The following NREP variants were observed in gnomAD, a reference collection of about 807,000 sequenced individuals.
The protein encoded by NREP is neuronal regeneration related protein.
A neutral mutation model predicts 8.6 loss-of-function variants in NREP; 5 were observed. The observed-to-expected ratio is 0.58, with a 90% CI of 0.30 to 1.22. The LOEUF (loss-of-function observed/expected upper bound fraction) is 1.22, where lower values mean the gene tolerates loss of function less well. Ranked by LOEUF, NREP falls within the 50% of genes most tolerant of loss-of-function variation. The probability of loss-of-function intolerance (pLI) is 0.07; values close to 1 mark genes in which losing one functional copy is unlikely to be tolerated. For synonymous variants in NREP, 27 were observed against 28.0 expected, an observed-to-expected ratio of 0.96 and a Z score of 0.11; for missense variants, 86 against 82.5, an observed-to-expected ratio of 1.04 and a Z score of -0.17.
At chr5:111,755,642 A>AT in intron 2 of NREP, 128 bp downstream of exon 2, 1 of 1,035,110 alleles carries the variant, frequency 9.7e-7, no homozygotes, top group Middle Eastern at 2.0e-4. Flanking sequence ...CTGGAGATAG[A>AT]ACCTTTTAAA....
At chr5:111,832,418 C>G (rs1752793809) in intron 2 of NREP, among the ~76,000 whole-genome samples, 2 of 152,082 alleles carry the variant, frequency 1.3e-5, no homozygotes, top group South Asian at 4.2e-4. Context: ...GTAGTCCCAG[C>G]TACTTGTGGG....
At chr5:111,788,590 C>G (rs1307696241) in intron 2 of NREP, among the ~76,000 whole-genome samples, 1 of 152,200 alleles carries the variant, frequency 6.6e-6, no homozygotes, top group African/African-American at 2.4e-5. Flanking sequence ...GCCAGGGAGA[C>G]AGCCAGGCGT....
intron 2 of NREP, among the ~76,000 whole-genome samples, chr5:111,845,272 T>G (rs1201806720): frequency 9.5e-6 from 1 of 105,606 alleles, no homozygotes; most frequent in Non-Finnish European, 2.3e-5. Context: ...CCTCACTCAA[T>G]GCATCTTTTT....
At chr5:111,854,869 A>T (rs1265087860) in intron 2 of NREP, among the ~76,000 whole-genome samples, 1 of 152,196 alleles carries the variant, frequency 6.6e-6, no homozygotes, top group South Asian at 2.1e-4. Context: ...ATATAGATCC[A>T]GAGAAAATAG....
intron 2 of NREP, among the ~76,000 whole-genome samples, chr5:111,872,398 T>C (rs771309151): frequency 1.3e-5 from 2 of 152,200 alleles, no homozygotes; most frequent in Non-Finnish European, 2.9e-5. Context: ...AATTTAAATG[T>C]ATATATCATC....
upstream of NREP, among the ~76,000 whole-genome samples, chr5:111,759,754 G>T (rs1246763246): frequency 6.6e-6 from 1 of 152,166 alleles, no homozygotes; most frequent in Non-Finnish European, 1.5e-5. Context: ...CTCATGCCAT[G>T]TCACCTCACT....
intron 2 of NREP, among the ~76,000 whole-genome samples, chr5:111,882,226 A>T (rs934984190): frequency 6.6e-6 from 1 of 152,226 alleles, no homozygotes. Context: ...AAGAAAGGGT[A>T]TCAGTGATGG....
chr5:111,868,794 T>C (rs1259736122), intron 2 of NREP, among the ~76,000 whole-genome samples: 1 of 152,070 alleles, frequency 6.6e-6, no homozygotes, highest in Non-Finnish European at 1.5e-5. Flanking sequence ...CACAAATTCA[T>C]CTAAATGGCA....
chr5:111,913,533 G>C lies in NREP; in HGVS notation c.135+61741C>G, dbSNP rs139776945. On this transcript the variant is annotated intron_variant, in intron 2 of 3. Coordinates refer to the NREP transcript ENST00000395634. ...CATCTTCCCAGATTAACAGGGATGT[G>C]AGTTCATAGTTCAGGGTCCTAAGTG... 1.9e-3 allele frequency among the ~76,000 whole-genome samples: 290 copies of C among 152,212 alleles called. 2 individuals are homozygous for C. The highest frequency in any genetic ancestry group is 6.8e-3 in the African/African-American group (282 of 41,572).
chr5:111,785,098 A>T (rs1751578553), intron 2 of NREP, among the ~76,000 whole-genome samples: 1 of 152,110 alleles, frequency 6.6e-6, no homozygotes, highest in Non-Finnish European at 1.5e-5. Flanking sequence ...TTTTGCCTGG[A>T]GAGAAAGAAG....
At chr5:111,915,150 G>A (rs1326590337) in intron 2 of NREP, among the ~76,000 whole-genome samples, 1 of 152,034 alleles carries the variant, frequency 6.6e-6, no homozygotes, top group Admixed American at 6.6e-5. Flanking sequence ...ACTGAGCTAT[G>A]CACACAGGGA....
intron 2 of NREP, among the ~76,000 whole-genome samples, chr5:111,818,419 C>A (rs1200767389): frequency 6.6e-6 from 1 of 152,142 alleles, no homozygotes; most frequent in African/African-American, 2.4e-5. Context: ...TGATTATGTA[C>A]TGAGAATAAT....
intron 2 of NREP, among the ~76,000 whole-genome samples, chr5:111,921,069 G>A (rs778862499): frequency 7.9e-5 from 12 of 152,144 alleles, no homozygotes; most frequent in Non-Finnish European, 1.8e-4. Context: ...TTTGTCAGAA[G>A]ACAGACGCTT....
chr5:111,921,138 A>G (rs1248635430), intron 2 of NREP, among the ~76,000 whole-genome samples: 2 of 151,868 alleles, frequency 1.3e-5, no homozygotes. Flanking sequence ...TAGTTGATCT[A>G]CCTCTCCTCT....
chr5:111,809,823 T>C (rs1188235628), intron 2 of NREP, among the ~76,000 whole-genome samples: 2 of 152,142 alleles, frequency 1.3e-5, no homozygotes, highest in Non-Finnish European at 2.9e-5. Context: ...CTAAAGTTAC[T>C]ATGTTGATAC....
intron 2 of NREP, among the ~76,000 whole-genome samples, chr5:111,908,583 A>G (rs1269231695): frequency 6.6e-6 from 1 of 152,090 alleles, no homozygotes; most frequent in Non-Finnish European, 1.5e-5. Flanking sequence ...AGCTACATCC[A>G]TGTTGCTGCA....
chr5:111,910,003 G>A (rs1754869957), intron 2 of NREP, among the ~76,000 whole-genome samples: 1 of 152,090 alleles, frequency 6.6e-6, no homozygotes, highest in African/African-American at 2.4e-5. Flanking sequence ...GTAAAAGACT[G>A]ACTTGATTAG....
At chr5:111,806,509 A>C (rs1380210241) in intron 2 of NREP, among the ~76,000 whole-genome samples, 1 of 152,226 alleles carries the variant, frequency 6.6e-6, no homozygotes, top group African/African-American at 2.4e-5. Context: ...AGAATATGGA[A>C]GAGAAAAATG....
At chr5:111,878,001 G>A (rs971006385) in intron 2 of NREP, among the ~76,000 whole-genome samples, 2 of 152,212 alleles carry the variant, frequency 1.3e-5, no homozygotes, top group African/African-American at 4.8e-5. Context: ...AAGCAAGGAG[G>A]ACAGTTTAAA....
Sources: gnomAD v4.1 joint callset for allele counts (sites outside exome capture counted in the v4.1 genomes callset) on GRCh38, gnomAD v4.1.1 for gene constraint, MANE v1.5 for transcripts, NCBI Gene and HGNC (gene_info 2026-07-23, HGNC 2026-07-21) for gene names.